NRG3: variants seen among roughly 807,000 people sequenced by gnomAD.
The protein encoded by NRG3 is pro-neuregulin-3, membrane-bound isoform.
NRG3 carries 31 observed loss-of-function variants against 66.9 expected under a neutral mutation model. The ratio of observed to expected loss-of-function variants is 0.46; its 90% CI spans 0.35 to 0.63. The LOEUF (loss-of-function observed/expected upper bound fraction) is 0.63, where lower values mean the gene tolerates loss of function less well. Among genes scored for constraint, NRG3 ranks in the 20% least tolerant of loss-of-function variants. The pLI, the probability that NRG3 is intolerant of heterozygous loss-of-function variation, is 0.00. For missense variants in NRG3, 910 were observed against 878.9 expected (o/e 1.04, Z -0.45); for synonymous variants, 393 against 359.4 (o/e 1.09, Z -1.06).
intron 1 of NRG3, among the ~76,000 whole-genome samples, chr10:82,044,254 T>G (rs1368510388): frequency 1.3e-5 from 2 of 152,032 alleles, no homozygotes; most frequent in Non-Finnish European, 2.9e-5. Flanking sequence ...TTTCCAACTC[T>G]CTCACTGTAG....
intron 3 of NRG3, among the ~76,000 whole-genome samples, chr10:82,854,234 CATT>C (rs1315301407): frequency 1.3e-5 from 2 of 152,112 alleles, no homozygotes; most frequent in Non-Finnish European, 2.9e-5. Flanking sequence ...GAGCAGGTAA[CATT>C]ATTTCAGGAA....
At chr10:82,106,749 G>T (rs975589257) in intron 1 of NRG3, among the ~76,000 whole-genome samples, 1 of 151,902 alleles carries the variant, frequency 6.6e-6, no homozygotes, top group African/African-American at 2.4e-5. Flanking sequence ...CAAATGATCC[G>T]CCTGCCTCGG....
intron 3 of NRG3, among the ~76,000 whole-genome samples, chr10:82,813,616 T>C (rs2061586020): frequency 6.6e-6 from 1 of 152,204 alleles, no homozygotes; most frequent in African/African-American, 2.4e-5. Context: ...CAAAGATCTT[T>C]ATTTACACTT....
At chr10:82,407,859 A>C (rs2087647859) in intron 2 of NRG3, among the ~76,000 whole-genome samples, 2 of 152,210 alleles carry the variant, frequency 1.3e-5, no homozygotes, top group African/African-American at 4.8e-5. Flanking sequence ...TCATGAGGTC[A>C]GGAGTTCAAG....
In NRG3 at chr10:81,936,624, G is replaced by T. The variant is rs145459047; in HGVS notation, c.823+60461G>T. On this transcript the variant is annotated intron_variant, in intron 1 of 8. Coordinates refer to ENST00000372141, the MANE Select transcript of NRG3 (RefSeq NM_001010848.4). ...CCTGTGTCAGCTACAGTTTGTATTA[G>T]TTGGTTGATTAGGGATATTATTTTG... 2.0e-5 allele frequency among the ~76,000 whole-genome samples: 3 copies of T among 152,194 alleles called. No individual in the cohort carries two copies. The East Asian group carries it at 5.8e-4, about 30-fold the overall frequency.
At chr10:82,950,886 A>G (rs1018568252) in intron 4 of NRG3, among the ~76,000 whole-genome samples, 12 of 152,220 alleles carry the variant, frequency 7.9e-5, no homozygotes, top group African/African-American at 2.9e-4. Context: ...TTGGTAATAG[A>G]GGCTGAGTTC....
intron 2 of NRG3, among the ~76,000 whole-genome samples, chr10:82,495,958 CAATT>C (rs1843592270): frequency 6.6e-6 from 1 of 152,054 alleles, no homozygotes; most frequent in Non-Finnish European, 1.5e-5. Context: ...CTCCAGAGGA[CAATT>C]AATAAGATTT....
intron 3 of NRG3, among the ~76,000 whole-genome samples, chr10:82,840,526 T>A (rs577734676): frequency 5.9e-4 from 90 of 152,352 alleles, no homozygotes; most frequent in Non-Finnish European, 1.0e-3. Context: ...TAATAAGTCA[T>A]GGCACATAAT....
At chr10:82,031,398 A>G (rs2062561065) in intron 1 of NRG3, among the ~76,000 whole-genome samples, 5 of 152,148 alleles carry the variant, frequency 3.3e-5, no homozygotes, top group African/African-American at 1.2e-4. Flanking sequence ...TAATTATAAT[A>G]TTCTAACTCT....
intron 2 of NRG3, among the ~76,000 whole-genome samples, chr10:82,473,470 C>G (rs1306523801): frequency 6.6e-6 from 1 of 152,088 alleles, no homozygotes; most frequent in Non-Finnish European, 1.5e-5. Flanking sequence ...AACAAACAAA[C>G]AAACCAACAA....
At chr10:82,934,143 G>A (rs1847849587) in intron 4 of NRG3, among the ~76,000 whole-genome samples, 1 of 152,194 alleles carries the variant, frequency 6.6e-6, no homozygotes, top group African/African-American at 2.4e-5. Flanking sequence ...ACTTAATGCA[G>A]CTTATGATGC....
At chr10:82,370,725 C>T (rs554991950) in intron 2 of NRG3, among the ~76,000 whole-genome samples, 11 of 152,178 alleles carry the variant, frequency 7.2e-5, no homozygotes, top group Admixed American at 2.0e-4. Context: ...TCTTTTATTT[C>T]GTTACCTATG....
chr10:82,165,215 GT>G (rs1437052608), intron 1 of NRG3, among the ~76,000 whole-genome samples: 1 of 151,538 alleles, frequency 6.6e-6, no homozygotes, highest in African/African-American at 2.4e-5. Context: ...CAAATATTCA[GT>G]TTTTTTTCTA....
intron 3 of NRG3, among the ~76,000 whole-genome samples, chr10:82,782,286 G>A (rs1276941699): frequency 6.6e-6 from 1 of 152,042 alleles, no homozygotes; most frequent in Non-Finnish European, 1.5e-5. Flanking sequence ...CTAATAAAAG[G>A]GTAAGCTCAG....
intron 3 of NRG3, among the ~76,000 whole-genome samples, chr10:82,819,133 A>G (rs2061840896): frequency 6.6e-6 from 1 of 152,190 alleles, no homozygotes; most frequent in Non-Finnish European, 1.5e-5. Flanking sequence ...CCTTATTTGA[A>G]GGCACATTAA....
At chr10:82,639,149 A>G (rs1489748593) in intron 2 of NRG3, among the ~76,000 whole-genome samples, 1 of 152,192 alleles carries the variant, frequency 6.6e-6, no homozygotes, top group Admixed American at 6.5e-5. Flanking sequence ...CTGTATAACA[A>G]AATTACTTAA....
intron 2 of NRG3, among the ~76,000 whole-genome samples, chr10:82,502,362 A>C (rs946677802): frequency 1.3e-5 from 2 of 152,168 alleles, no homozygotes; most frequent in African/African-American, 4.8e-5. Context: ...TCAGTTTAGC[A>C]GCACAACTTC....
chr10:82,919,999 T>C (rs927318083), intron 4 of NRG3, among the ~76,000 whole-genome samples: 1 of 151,646 alleles, frequency 6.6e-6, no homozygotes, highest in African/African-American at 2.4e-5. Context: ...AAAATGAAAA[T>C]AGAAAAATTT....
chr10:82,285,034 G>T (rs949290288), intron 1 of NRG3, among the ~76,000 whole-genome samples: 1 of 152,150 alleles, frequency 6.6e-6, no homozygotes, highest in Admixed American at 6.6e-5. Context: ...TTAAACTCCT[G>T]TTTCTAACTT....
Sources: allele counts gnomAD v4.1 joint callset (sites outside exome capture counted in the v4.1 genomes callset), GRCh38; gene constraint gnomAD v4.1.1; transcripts MANE v1.5; gene names NCBI Gene and HGNC (gene_info 2026-07-23, HGNC 2026-07-21).